Variants in RAB6A observed in about 807,000 individuals in gnomAD.
The protein encoded by RAB6A is RAB6A, member RAS oncogene family, also known as ras-related protein Rab-6A.
In RAB6A, 8 loss-of-function variants were observed where a neutral mutation model predicts 32.3. The ratio of observed to expected loss-of-function variants is 0.25; its 90% confidence interval spans 0.15 to 0.45. RAB6A has a LOEUF of 0.45. Ranked by LOEUF, RAB6A falls within the 20% of genes least tolerant of loss-of-function variation. The probability of loss-of-function intolerance (pLI) is 1.00; values close to 1 mark genes in which losing one functional copy is unlikely to be tolerated. For missense variants in RAB6A, 104 were observed against 249.4 expected, an observed-to-expected ratio of 0.42 and a Z score of 3.93; for synonymous variants, 73 against 82.1, an observed-to-expected ratio of 0.89 and a Z score of 0.60.
chr11:73,682,056 C>T (rs894598869), intron 6 of RAB6A, among the ~76,000 whole-genome samples: 3 of 152,116 alleles, frequency 2.0e-5, no homozygotes, highest in Non-Finnish European at 4.4e-5. Flanking sequence ...GGTACACCAT[C>T]AAAGATCATG....
intron 5 of RAB6A, among the ~76,000 whole-genome samples, chr11:73,713,819 T>C (rs1179644656): frequency 1.3e-5 from 2 of 152,164 alleles, no homozygotes; most frequent in East Asian, 1.9e-4. Context: ...TGAGAGATGA[T>C]AGTCTGGCAA....
chr11:73,692,319 A>C (rs1222497972), intron 6 of RAB6A, among the ~76,000 whole-genome samples: 1 of 150,810 alleles, frequency 6.6e-6, no homozygotes, highest in Non-Finnish European at 1.5e-5. Context: ...CCTGGCTAAC[A>C]GTGAAACCCC....
At chr11:73,723,949 A>G (rs966747048) in intron 2 of RAB6A, among the ~76,000 whole-genome samples, 2 of 152,234 alleles carry the variant, frequency 1.3e-5, no homozygotes, top group African/African-American at 4.8e-5. Context: ...TTCAATATAT[A>G]AGATTTTTTT....
At chr11:73,713,308 C>T (rs868223898) in intron 5 of RAB6A, among the ~76,000 whole-genome samples, 2 of 152,162 alleles carry the variant, frequency 1.3e-5, no homozygotes, top group Non-Finnish European at 2.9e-5. Flanking sequence ...TGGTGGCTCA[C>T]GCCTGTAATC....
At chr11:73,715,396 T>C (rs192870057) in intron 5 of RAB6A, among the ~76,000 whole-genome samples, 2 of 152,326 alleles carry the variant, frequency 1.3e-5, no homozygotes, top group African/African-American at 4.8e-5. Context: ...AGTGCTGGGA[T>C]TACAGTTGTG....
At chr11:73,730,711 A>G (rs1222153474) in intron 2 of RAB6A, 54 bp downstream of exon 2, 1 of 1,378,668 alleles carries the variant, frequency 7.3e-7, no homozygotes, top group Middle Eastern at 1.8e-4. Context: ...AAATATCTTG[A>G]ATATTACTTG....
At chr11:73,709,452 TTATTATTATTAC>T (rs1236288237) in intron 5 of RAB6A, among the ~76,000 whole-genome samples, 4,399 of 143,174 alleles carry the variant, frequency 0.031, 100 homozygotes, top group Non-Finnish European at 0.047. Context: ...ATTATTATTA[TTATTATTATTAC>T]TATTATTATT....
At chr11:73,708,215 C>G (rs549146826) in intron 5 of RAB6A, among the ~76,000 whole-genome samples, 3 of 152,282 alleles carry the variant, frequency 2.0e-5, no homozygotes, top group South Asian at 4.1e-4. Flanking sequence ...GTCACCCAGG[C>G]TGGAGTGCAA....
chr11:73,678,080 A>C (rs933336281), intron 7 of RAB6A, 118 bp from the exon 8 acceptor site: 1 of 1,008,350 alleles, frequency 9.9e-7, no homozygotes, highest in Non-Finnish European at 1.5e-6. Context: ...CACACTCACT[A>C]TTTTCTACAT....
rs770729763 is a variant in RAB6A, at chr11:73,759,960, T to A, written c.70+606A>T. 219 of 1,105,730 alleles carry A rather than the reference T, an allele frequency of 2.0e-4. 2 individuals are homozygous for A. The South Asian group carries it at 2.4e-3, about 12-fold the overall frequency. The allele number at this position is 1,105,730 out of a possible 1,614,324, so 68.5% of individuals were successfully genotyped here. A position where few individuals can be genotyped will look rare whatever the true frequency, so the allele number is the denominator to read the frequency against. ...CCAACCACCCCATGCTCAAGTCGTCTCCAATTCAGATGTTTCCTCTATGGC... is the reference window on the plus strand; with the variant it reads ...CCAACCACCCCATGCTCAAGTCGTCACCAATTCAGATGTTTCCTCTATGGC... On this transcript the variant is annotated intron_variant, in intron 1 of 7. Coordinates refer to ENST00000336083, the MANE Select transcript of RAB6A (RefSeq NM_198896.2).
chr11:73,714,229 T>TAC (rs1555059837), intron 5 of RAB6A, among the ~76,000 whole-genome samples: 50,745 of 115,976 alleles, frequency 0.44, 12,635 homozygotes, highest in East Asian at 0.55. Context: ...TATATATATA[T>TAC]ACACACATAT....
intron 1 of RAB6A, among the ~76,000 whole-genome samples, chr11:73,735,618 C>A (rs1433201751): frequency 2.6e-5 from 4 of 152,048 alleles, no homozygotes; most frequent in Admixed American, 6.6e-5. Context: ...TATCTCAGGC[C>A]TTTAACAAGG....
chr11:73,752,465 A>G (rs1946683203), intron 1 of RAB6A, among the ~76,000 whole-genome samples: 1 of 152,182 alleles, frequency 6.6e-6, no homozygotes, highest in African/African-American at 2.4e-5. Context: ...CAAAAAAACA[A>G]AAACACAGAT....
intron 6 of RAB6A, among the ~76,000 whole-genome samples, chr11:73,689,568 ACTC>A (rs1435519849): frequency 6.6e-6 from 1 of 151,668 alleles, no homozygotes; most frequent in Non-Finnish European, 1.5e-5. Context: ...TAGCCTAGAC[ACTC>A]CTCCTTTCTA....
chr11:73,750,643 C>T (rs1004594225), intron 1 of RAB6A, among the ~76,000 whole-genome samples: 10 of 152,114 alleles, frequency 6.6e-5, no homozygotes, highest in African/African-American at 2.4e-4. Context: ...AGGCATGAGC[C>T]CCCATACCAG....
chr11:73,757,345 G>C (rs1304010275), intron 1 of RAB6A, among the ~76,000 whole-genome samples: 2 of 149,814 alleles, frequency 1.3e-5, no homozygotes, highest in African/African-American at 4.9e-5. Flanking sequence ...CCGGGCCATG[G>C]GGTGGGGGGG....
chr11:73,686,001 T>G (rs561580218), intron 6 of RAB6A, among the ~76,000 whole-genome samples: 1 of 151,746 alleles, frequency 6.6e-6, no homozygotes, highest in East Asian at 1.9e-4. Context: ...TTGCCAAATG[T>G]TATACAATTC....
chr11:73,710,134 GTTTTTT>G (rs60147602), intron 5 of RAB6A, among the ~76,000 whole-genome samples: 1 of 140,038 alleles, frequency 7.1e-6, no homozygotes, highest in Non-Finnish European at 1.5e-5. Context: ...AATTTTTTGT[GTTTTTT>G]TTTTTTTAGC....
At chr11:73,692,866 C>G (rs1590831233) in intron 6 of RAB6A, among the ~76,000 whole-genome samples, 1 of 150,330 alleles carries the variant, frequency 6.7e-6, no homozygotes, top group East Asian at 2.0e-4. Context: ...GAGGCTGAGG[C>G]AGGAGAATGG....
Sources: gnomAD v4.1 joint callset for allele counts (sites outside exome capture counted in the v4.1 genomes callset) on GRCh38, gnomAD v4.1.1 for gene constraint, MANE v1.5 for transcripts, NCBI Gene and HGNC (gene_info 2026-07-23, HGNC 2026-07-21) for gene names.